AP4M1: variants seen among roughly 807,000 people sequenced by gnomAD.
AP4M1 encodes adaptor related protein complex 4 subunit mu 1.
A neutral mutation model predicts 62.4 loss-of-function variants in AP4M1; 58 were observed. The ratio of observed to expected loss-of-function variants is 0.93; its 90% CI spans 0.75 to 1.16. The LOEUF (loss-of-function observed/expected upper bound fraction) is 1.16, where lower values mean the gene tolerates loss of function less well. AP4M1 is among the 50% of genes most tolerant of loss of function. The pLI, the probability that AP4M1 is intolerant of heterozygous loss-of-function variation, is 0.00. For missense variants in AP4M1, 626 were observed against 585.4 expected, an observed-to-expected ratio of 1.07 and a Z score of -0.72; for synonymous variants, 290 against 239.7, an observed-to-expected ratio of 1.21 and a Z score of -1.94.
rs771857785 is a variant in AP4M1 at position 100,102,658 on chromosome 7, C to A, written c.148-17C>A. On this transcript the variant is annotated splice_polypyrimidine_tract_variant and intron_variant, in intron 2 of 14. Transcript: ENST00000359593. Reference sequence around the variant, plus strand: ...TCCCTTTTTTTAACGCCTCTCTTCTCCCTGCCTGTGTCTCAGCATCACCAT... The same window carrying A: ...TCCCTTTTTTTAACGCCTCTCTTCTACCTGCCTGTGTCTCAGCATCACCAT... The A allele has an allele frequency of 6.2e-7, 1 of 1,612,242 alleles. No homozygotes were observed. Among genetic ancestry groups the A allele is most frequent in the Non-Finnish European group, 8.5e-7 (1 of 1,178,482 alleles).
Position 100,107,146 on chromosome 7 carries a change from C to T in AP4M1, c.*264C>T, listed in dbSNP as rs1796584821. 3 of 1,450,398 alleles carry T rather than the reference C, an allele frequency of 2.1e-6. No homozygotes were observed. Among genetic ancestry groups the T allele is most frequent in the Admixed American group, 2.4e-5 (1 of 42,002 alleles). 89.8% of individuals were successfully genotyped at this position (1,450,398 alleles called of 1,614,324 possible). A position where few individuals can be genotyped will look rare whatever the true frequency, so the allele number is the denominator to read the frequency against. On this transcript the variant is annotated 3_prime_UTR_variant, in exon 15 of 15. Transcript: ENST00000359593. ...TAAAAAGAAAGTGACATGAAGGAAG[C>T]AATCTACAACTTCCTTCCGCTTAGC...
In AP4M1 at chr7:100,107,358, C is replaced by T; in HGVS notation, c.*476C>T. 1 of 1,566,866 alleles carries T rather than the reference C, an allele frequency of 6.4e-7. No homozygotes were observed. Among genetic ancestry groups the T allele is most frequent in the Non-Finnish European group, 8.7e-7 (1 of 1,153,910 alleles). ...CTCCTGCTTCCCCCCACAAAGGGCA[C>T]TGCCGCTGAGTGGGGACGGGGACGA... On this transcript the variant is annotated 3_prime_UTR_variant, in exon 15 of 15. Transcript: ENST00000359593.
rs1208360512 is a variant in AP4M1, at chr7:100,102,934, G to C, written c.325G>C (p.Val109Leu). The C allele has an allele frequency of 5.6e-6, 9 of 1,614,076 alleles. No homozygotes were observed. Among genetic ancestry groups the C allele is most frequent in the Non-Finnish European group, 7.6e-6 (9 of 1,180,010 alleles). Residue 109 changes from valine (V) to leucine (L), a missense_variant, in exon 4 of 15, where the codon GTA becomes CTA. Val to Leu is a conservative substitution (Grantham distance 32, BLOSUM62 1). Transcript: ENST00000359593. ...EGTISRNVAL[V>L]YELLDEVLDY... The stretch of plus-strand genomic sequence containing the variant: ...GACCATCTCCCGCAATGTGGCTCTG[G>C]TATACGAACTCCTGGATGAAGTGCT...
chr7:100,104,725 T>C (rs1796320971), intron 7 of AP4M1, 149 bp from the exon 8 acceptor site: 2 of 840,940 alleles, frequency 2.4e-6, no homozygotes, highest in Admixed American at 1.9e-5. Context: ...TAGCTACTTG[T>C]GAGGCTGAGG....
intron 2 of AP4M1, chr7:100,102,226 CAAAA>C (rs750730419): frequency 8.1e-6 from 4 of 492,472 alleles, no homozygotes; most frequent in African/African-American, 2.2e-5. Flanking sequence ...ACTAAAAATA[CAAAA>C]AAAAAAAAAA....
chr7:100,104,356 A>G lies in AP4M1; in HGVS notation c.606+202A>G, dbSNP rs182758215. Among the ~76,000 whole-genome samples the G allele has an allele frequency of 8.2e-4, 125 of 151,866 alleles. 2 individuals carry two copies. The highest frequency in any genetic ancestry group is 2.1e-3 in the East Asian group (11 of 5,176). On this transcript the variant is annotated intron_variant, in intron 7 of 14. Coordinates refer to ENST00000359593, the MANE Select transcript of AP4M1 (RefSeq NM_004722.4). Reference sequence around the variant, plus strand: ...AACATAGCCAGACCCCGTCTCTACAAAAAATACAAATAAACAAATTACCCA... The same window carrying G: ...AACATAGCCAGACCCCGTCTCTACAGAAAATACAAATAAACAAATTACCCA...
Position 100,107,030 on chromosome 7 carries a change from G to A in AP4M1, c.*148G>A. ...AGACCAGGAGGGGGCAATGGGCCCA[G>A]CCTTTCTGTGGTATCTGATGCAGGA... On this transcript the variant is annotated 3_prime_UTR_variant, in exon 15 of 15. Transcript: ENST00000359593. 1.6e-6 allele frequency: 2 copies of A among 1,219,568 alleles called. No individual in the cohort carries two copies. The highest frequency in any genetic ancestry group is 2.5e-5 in the East Asian group (1 of 39,254). The allele number at this position is 1,219,568 out of a possible 1,614,324, so 75.5% of individuals were successfully genotyped here. A position where few individuals can be genotyped will look rare whatever the true frequency, so the allele number is the denominator to read the frequency against.
At position 100,107,174 on chromosome 7, in the gene AP4M1, GCATGCATGTGTGTA is replaced by G. The variant is rs1796590782; in HGVS notation, c.*294_*307del. ...TCTACAACTTCCTTCCGCTTAGCGA[GCATGCATGTGTGTA>G]CGTGCACGTGTGTACATGTCTGCAT... On this transcript the variant is annotated 3_prime_UTR_variant, in exon 15 of 15. Coordinates refer to ENST00000359593, the MANE Select transcript of AP4M1 (RefSeq NM_004722.4). 6.6e-7 allele frequency: 1 copy of G among 1,511,986 alleles called. No individual in the cohort carries two copies. Among genetic ancestry groups the G allele is most frequent in the South Asian group, 1.3e-5 (1 of 74,938 alleles). 93.7% of individuals were successfully genotyped at this position (1,511,986 alleles called of 1,614,324 possible). A position where few individuals can be genotyped will look rare whatever the true frequency, so the allele number is the denominator to read the frequency against.
Position 100,108,245 on chromosome 7 carries a change from C to T in AP4M1, c.*1363C>T, listed in dbSNP as rs962518271. ...TCTCACTAGGGCTGGGGCATCCTCA[C>T]TCAGGGCCTGGTTGCCCTGAGACTA... On this transcript the variant is annotated 3_prime_UTR_variant, in exon 15 of 15. Coordinates refer to ENST00000359593, the MANE Select transcript of AP4M1 (RefSeq NM_004722.4). The T allele has an allele frequency of 3.4e-6, 5 of 1,464,120 alleles. No homozygotes were observed. The highest frequency in any genetic ancestry group is 4.5e-6 in the Non-Finnish European group (5 of 1,103,698). 90.7% of individuals were successfully genotyped at this position (1,464,120 alleles called of 1,614,324 possible).
Position 100,108,444 on chromosome 7 carries a change from A to G in AP4M1, c.*1562A>G, listed in dbSNP as rs1796796945. ...TGGGCCCGAGCCTTGACCACCTGGG[A>G]GCAGAGGAGGGGCCCAAGGGACCCG... On this transcript the variant is annotated 3_prime_UTR_variant, in exon 15 of 15. Transcript: ENST00000359593. The G allele has an allele frequency of 6.2e-7, 1 of 1,613,774 alleles. No homozygotes were observed. The highest frequency in any genetic ancestry group is 8.5e-7 in the Non-Finnish European group (1 of 1,179,912).
At chr7:100,106,561 A>AGC (rs1796506940) in intron 14 of AP4M1, 47 bp downstream of exon 14, 27 of 1,566,702 alleles carry the variant, frequency 1.7e-5, no homozygotes, top group East Asian at 4.5e-5. Context: ...ATTCACTTGC[A>AGC]GCCCCCACCC....
Position 100,106,447 on chromosome 7 carries a change from C to CA in AP4M1, c.1071dup (p.Glu358ArgfsTer170). 6.2e-7 allele frequency: 1 copy of CA among 1,613,900 alleles called. No individual in the cohort carries two copies. Among genetic ancestry groups the CA allele is most frequent in the Non-Finnish European group, 8.5e-7 (1 of 1,180,030 alleles). ...AGCCCAGAGCAGAAGGCTGAGCTGGCAGAGGGAGCCCTTCGCTGGGACCTG... is the reference window on the plus strand; with the variant it reads ...AGCCCAGAGCAGAAGGCTGAGCTGGCAAGAGGGAGCCCTTCGCTGGGACCTG... On this transcript the variant is annotated frameshift_variant, in exon 14 of 15. Transcript: ENST00000359593. LOFTEE classifies it high-confidence loss of function.
In AP4M1 at chr7:100,101,866, C is replaced by T. The variant is rs202164434; in HGVS notation, c.59-14C>T. The T allele has an allele frequency of 2.5e-6, 4 of 1,612,904 alleles. No individual in the cohort carries two copies. The highest frequency in any genetic ancestry group is 3.3e-4 in the Middle Eastern group (2 of 6,052). Reference sequence around the variant, plus strand: ...GTGTCGCAGGATCCTTCACTGAGTCCTTCCACCCGCCAGTCCGCGGGGACA... The same window carrying T: ...GTGTCGCAGGATCCTTCACTGAGTCTTTCCACCCGCCAGTCCGCGGGGACA... On this transcript the variant is annotated splice_polypyrimidine_tract_variant and intron_variant, in intron 1 of 14. Transcript: ENST00000359593.
In AP4M1 at chr7:100,103,531, G is replaced by A; in HGVS notation, c.462+12G>A. Reference sequence around the variant, plus strand: ...GCAGCGTTGGCTTGGTCAGTAGAGGGAAAGAGGAGGGTGAGGAAAGAGAAG... The same window carrying A: ...GCAGCGTTGGCTTGGTCAGTAGAGGAAAAGAGGAGGGTGAGGAAAGAGAAG... On this transcript the variant is annotated intron_variant, in intron 5 of 14. Coordinates refer to ENST00000359593, the MANE Select transcript of AP4M1 (RefSeq NM_004722.4). The A allele has an allele frequency of 6.2e-7, 1 of 1,614,036 alleles. No individual in the cohort carries two copies. The highest frequency in any genetic ancestry group is 1.1e-5 in the South Asian group (1 of 91,072).
Position 100,106,951 on chromosome 7 carries a change from C to A in AP4M1, c.*69C>A, listed in dbSNP as rs1281279352. ...CCACGGGAGGACAGTCGTTTCTTTT[C>A]CAGCCTCCTGGCCTTCGGACTCTGA... On this transcript the variant is annotated 3_prime_UTR_variant, in exon 15 of 15. Coordinates refer to ENST00000359593, the MANE Select transcript of AP4M1 (RefSeq NM_004722.4). 2.7e-5 allele frequency: 40 copies of A among 1,499,354 alleles called. No homozygotes were observed. Among genetic ancestry groups the A allele is most frequent in the Non-Finnish European group, 2.2e-5 (24 of 1,111,368 alleles). 92.9% of individuals were successfully genotyped at this position (1,499,354 alleles called of 1,614,324 possible). A position where few individuals can be genotyped will look rare whatever the true frequency, so the allele number is the denominator to read the frequency against.
chr7:100,105,662 T>C (rs1458687213), intron 11 of AP4M1, 123 bp downstream of exon 11: 2 of 1,066,090 alleles, frequency 1.9e-6, no homozygotes, highest in African/African-American at 1.6e-5. Flanking sequence ...GGAAAAAGGC[T>C]TGGGTTGCGG....
upstream of AP4M1, chr7:100,101,487 G>A (rs1796027686): frequency 1.2e-5 from 10 of 802,344 alleles, 1 homozygote; most frequent in South Asian, 1.6e-4. Flanking sequence ...CTAGCCGCAA[G>A]CCAATCACCG....
intron 4 of AP4M1, 78 bp downstream of exon 4, chr7:100,103,038 C>G (rs764764775): frequency 1.4e-5 from 16 of 1,132,598 alleles, no homozygotes; most frequent in Non-Finnish European, 9.3e-6. Flanking sequence ...TGTGGGATGC[C>G]GTGGTTAGGA....
intron 7 of AP4M1, 99 bp downstream of exon 7, chr7:100,104,253 C>A (rs546992963): frequency 1.9e-6 from 2 of 1,040,530 alleles, no homozygotes; most frequent in African/African-American, 3.2e-5. Context: ...CACAGTGGCT[C>A]ATGCTTGTAA....
Sources: allele counts gnomAD v4.1 joint callset (sites outside exome capture counted in the v4.1 genomes callset), GRCh38; gene constraint gnomAD v4.1.1; transcripts MANE v1.5; gene names NCBI Gene and HGNC (gene_info 2026-07-23, HGNC 2026-07-21).